KLHL23: variants seen among roughly 807,000 people sequenced by gnomAD.
KLHL23 encodes the protein kelch-like protein 23.
Under a neutral mutation model 48.9 loss-of-function variants are expected in KLHL23, and 33 were observed. The observed-to-expected ratio is 0.67, with a 90% CI of 0.51 to 0.90. The LOEUF (loss-of-function observed/expected upper bound fraction) is 0.90, where lower values mean the gene tolerates loss of function less well. Among genes scored for constraint, KLHL23 ranks in the 40% least tolerant of loss-of-function variants. The pLI is 0.00. For synonymous variants in KLHL23, 234 were observed against 231.6 expected, an observed-to-expected ratio of 1.01 and a Z score of -0.09; for missense variants, 608 against 669.6, an observed-to-expected ratio of 0.91 and a Z score of 1.02.
At chr2:169,737,468 T>G (rs981184206) in intron 2 of KLHL23, among the ~76,000 whole-genome samples, 10 of 152,210 alleles carry the variant, frequency 6.6e-5, no homozygotes, top group African/African-American at 1.7e-4. Flanking sequence ...GGGCTCTGAA[T>G]GTCCTGACCC....
chr2:169,735,185 T>G lies in KLHL23; in HGVS notation c.171T>G (p.Ala57=). 6.2e-7 allele frequency: 1 copy of G among 1,611,200 alleles called. No individual in the cohort carries two copies. The highest frequency in any genetic ancestry group is 8.5e-7 in the Non-Finnish European group (1 of 1,179,404). Residue 57 remains alanine, a synonymous_variant, in exon 2 of 4, where the codon GCT becomes GCG. Transcript: ENST00000392647. This position sits in a 1 kb window ranked among gnomAD's most constrained non-coding sequence, Gnocchi z 4.5. ...IFHCHRAVLA[A]CSNYFKAMFT... is the part of the protein sequence containing the mutation. ...ATTGTCACCGAGCCGTTTTAGCTGC[T>G]TGCAGCAATTATTTTAAGGCAATGT...
At chr2:169,740,625 T>A (rs1688650541) in intron 2 of KLHL23, among the ~76,000 whole-genome samples, 1 of 142,198 alleles carries the variant, frequency 7.0e-6, no homozygotes, top group Non-Finnish European at 1.6e-5. Flanking sequence ...ATTTTTTGTA[T>A]TTTTAGTAGA....
intron 3 of KLHL23, among the ~76,000 whole-genome samples, chr2:169,744,987 G>C (rs1688762186): frequency 1.3e-5 from 2 of 151,538 alleles, no homozygotes; most frequent in Non-Finnish European, 2.9e-5. Context: ...GCTTAGGCTG[G>C]AGTGCAGTGG....
rs1046708032 is a variant in KLHL23, at chr2:169,751,267, T to C, written c.*1535T>C. ...ACCATTAGTTATCTGTGAGACCATC[T>C]ATTCCACACTCTTCATTTTTTAAAA... On this transcript the variant is annotated 3_prime_UTR_variant, in exon 4 of 4. Coordinates refer to ENST00000392647, the MANE Select transcript of KLHL23 (RefSeq NM_144711.6). 4.6e-5 allele frequency: 7 copies of C among 152,250 alleles called. No individual in the cohort carries two copies. Among genetic ancestry groups the C allele is most frequent in the African/African-American group, 7.2e-5 (3 of 41,462 alleles). The allele number at this position is 152,250 out of a possible 1,614,324, so 9.4% of individuals were successfully genotyped here. A position where few individuals can be genotyped will look rare whatever the true frequency, so the allele number is the denominator to read the frequency against.
At chr2:169,741,279 C>T (rs114814411) in intron 2 of KLHL23, 106 bp from the exon 3 acceptor site, 26,700 of 1,436,562 alleles carry the variant, frequency 0.019, 274 homozygotes, top group Non-Finnish European at 0.021. Context: ...CAGTACCTTG[C>T]ATTTTACCAT....
chr2:169,735,902 A>G lies in KLHL23; in HGVS notation c.888A>G (p.Thr296=). 1 of 1,614,114 alleles carries G rather than the reference A, an allele frequency of 6.2e-7. No homozygotes were observed. The highest frequency in any genetic ancestry group is 8.5e-7 in the Non-Finnish European group (1 of 1,180,032). Residue 296 remains threonine, a synonymous_variant, in exon 2 of 4, where the codon ACA becomes ACG. Transcript: ENST00000392647. The surrounding 1 kb of genome is among the most constrained non-coding windows in gnomAD (Gnocchi z 4.5). The stretch of plus-strand genomic sequence containing the variant: ...AGGTTCACATATGGGATCCTTTGAC[A>G]AATGTTTGGATTCAGGGAGCAGAAA... ...LSEVHIWDPL[T]NVWIQGAEIP...
Position 169,749,673 on chromosome 2 carries a change from G to C in KLHL23, c.1618G>C (p.Val540Leu), listed in dbSNP as rs1221041206. The C allele has an allele frequency of 6.2e-7, 1 of 1,613,872 alleles. No individual in the cohort carries two copies. Among genetic ancestry groups the C allele is most frequent in the African/African-American group, 1.3e-5 (1 of 74,898 alleles). ...YDPDLNKWEI[V>L]GNLPSAMRSH... ...TCCAGATCTTAATAAGTGGGAAATA[G>C]TGGGTAATCTTCCCAGTGCCATGCG... Residue 540 changes from valine (V) to leucine (L), a missense_variant, in exon 4 of 4, where the codon GTG becomes CTG. Around this residue, in one of 3 missense-constraint regions of KLHL23, gnomAD observed 179 missense variants for 169.9 expected, o/e 1.05. Transcript: ENST00000392647.
In KLHL23 at chr2:169,747,527, C is replaced by T. The variant is rs564051159; in HGVS notation, c.1367-1895C>T. ...GTGTTGCCCAGACTAGCCTTGAAGT[C>T]CTGGGCTCAAGCAATCCTCCAGCCT... is the stretch of plus-strand genomic sequence containing the variant. On this transcript the variant is annotated intron_variant, in intron 3 of 3. Transcript: ENST00000392647. Among the ~76,000 whole-genome samples the T allele has an allele frequency of 9.5e-4, 138 of 145,616 alleles. 1 individual carries two copies. The highest frequency in any genetic ancestry group is 1.5e-3 in the Non-Finnish European group (98 of 67,260).
chr2:169,742,901 ATTC>A (rs1688709653), intron 3 of KLHL23, among the ~76,000 whole-genome samples: 1 of 152,252 alleles, frequency 6.6e-6, no homozygotes, highest in African/African-American at 2.4e-5. Flanking sequence ...GGCACAAACT[ATTC>A]CAGTAATTTT....
At position 169,735,500 on chromosome 2, in the gene KLHL23, A is replaced by T; in HGVS notation, c.486A>T (p.Leu162=). 6.2e-7 allele frequency: 1 copy of T among 1,614,060 alleles called. No homozygotes were observed. The highest frequency in any genetic ancestry group is 8.5e-7 in the Non-Finnish European group (1 of 1,180,020). Residue 162 remains leucine, a synonymous_variant, in exon 2 of 4, where the codon CTA becomes CTT. Coordinates refer to ENST00000392647, the MANE Select transcript of KLHL23 (RefSeq NM_144711.6). The surrounding 1 kb of genome is among the most constrained non-coding windows in gnomAD (Gnocchi z 4.5). ...TAGAGAAGGAATCTCGAAGAATTCTATGTTCAAAGTTTAAGGAAGTGTGGC... is the reference window on the plus strand; with the variant it reads ...TAGAGAAGGAATCTCGAAGAATTCTTTGTTCAAAGTTTAAGGAAGTGTGGC... The part of the protein sequence containing the change: ...PELEKESRRI[L]CSKFKEVWQQ...
At position 169,736,034 on chromosome 2, in the gene KLHL23, G is replaced by T. The variant is rs771025317; in HGVS notation, c.1020G>T (p.Trp340Cys). The T allele has an allele frequency of 2.5e-6, 4 of 1,614,030 alleles. No homozygotes were observed. The East Asian group carries it at 8.9e-5, about 36-fold the overall frequency. Reference sequence around the variant, plus strand: ...ACATAGAAGCTCTTGACACAGTGTGGATCTATAACAGTGAAAGTGATGAAT... The same window carrying T: ...ACATAGAAGCTCTTGACACAGTGTGTATCTATAACAGTGAAAGTGATGAAT... ...TDNIEALDTV[W>C]IYNSESDEWT... Residue 340 changes from tryptophan (W) to cysteine (C), a missense_variant, in exon 2 of 4, where the codon TGG becomes TGT. This residue lies in a region of KLHL23 where 419 missense variants were observed against 473.1 expected (regional missense o/e 0.89). Coordinates refer to ENST00000392647, the MANE Select transcript of KLHL23 (RefSeq NM_144711.6).
At chr2:169,734,416 G>A (rs1688460795) in intron 1 of KLHL23, among the ~76,000 whole-genome samples, 1 of 150,368 alleles carries the variant, frequency 6.7e-6, no homozygotes, top group South Asian at 2.1e-4. Context: ...GTGGGCCGGG[G>A]CCCAGGCGCG....
At position 169,749,739 on chromosome 2, in the gene KLHL23, C is replaced by G. The variant is rs752759543; in HGVS notation, c.*7C>G. ...TTGTGTGTATAATGTCTAATTGAAT[C>G]TGCAGAAATGACCAAGCAATCACTT... On this transcript the variant is annotated 3_prime_UTR_variant, in exon 4 of 4. Coordinates refer to ENST00000392647, the MANE Select transcript of KLHL23 (RefSeq NM_144711.6). 8 of 1,578,040 alleles carry G rather than the reference C, an allele frequency of 5.1e-6. No individual in the cohort carries two copies. Among genetic ancestry groups the G allele is most frequent in the Non-Finnish European group, 6.9e-6 (8 of 1,156,458 alleles).
intron 3 of KLHL23, among the ~76,000 whole-genome samples, chr2:169,748,588 C>T (rs1574530259): frequency 6.6e-6 from 1 of 152,162 alleles, no homozygotes; most frequent in African/African-American, 2.4e-5. Flanking sequence ...GCAAATGACT[C>T]ACAGAGTTCT....
intron 3 of KLHL23, 64 bp from the exon 4 acceptor site, chr2:169,749,358 T>C: frequency 2.1e-6 from 3 of 1,442,512 alleles, no homozygotes; most frequent in Admixed American, 2.6e-5. Flanking sequence ...ATTACCACAC[T>C]GTGGAATCTC....
chr2:169,743,564 CA>C (rs1688724207), intron 3 of KLHL23, among the ~76,000 whole-genome samples: 1 of 152,084 alleles, frequency 6.6e-6, no homozygotes, highest in African/African-American at 2.4e-5. Context: ...GGCTTGTTAC[CA>C]ATATTTAAAA....
intron 3 of KLHL23, among the ~76,000 whole-genome samples, chr2:169,744,644 C>T (rs577801368): frequency 6.6e-6 from 1 of 150,588 alleles, no homozygotes; most frequent in African/African-American, 2.5e-5. Flanking sequence ...CCGCAACATC[C>T]GCATCCCAGG....
rs1419953803 is a variant in KLHL23 at position 169,751,670 on chromosome 2, G to A, written c.*1938G>A. The A allele has an allele frequency of 1.3e-5, 2 of 152,156 alleles. No homozygotes were observed. The highest frequency in any genetic ancestry group is 1.5e-5 in the Non-Finnish European group (1 of 68,022). 9.4% of individuals were successfully genotyped at this position (152,156 alleles called of 1,614,324 possible). The stretch of plus-strand genomic sequence containing the variant: ...TAATTATTTGGAAGACTGTAGAAAC[G>A]TGGACATGTTTGATATGGTAAGTAA... On this transcript the variant is annotated 3_prime_UTR_variant, in exon 4 of 4. Transcript: ENST00000392647.
intron 1 of KLHL23, 149 bp downstream of exon 1, chr2:169,734,236 C>CGCCGG (rs1432855721): frequency 4.2e-5 from 6 of 143,470 alleles, no homozygotes; most frequent in African/African-American, 7.4e-5. Context: ...GCCGCGCGGG[C>CGCCGG]GCCGGGCCGG....
Sources: gnomAD v4.1 joint callset for allele counts (sites outside exome capture counted in the v4.1 genomes callset) on GRCh38, gnomAD v4.1.1 for gene constraint, gnomAD v4.1.1 regional missense constraint, Gnocchi (gnomAD v3.1) non-coding constraint, MANE v1.5 for transcripts, NCBI Gene and HGNC (gene_info 2026-07-23, HGNC 2026-07-21) for gene names.